Variants in PHACTR2 observed in about 807,000 individuals in gnomAD.
The protein encoded by PHACTR2 is chromosome 6 open reading frame 56.
In PHACTR2, 30 loss-of-function variants were observed where a neutral mutation model predicts 76.0. The observed-to-expected ratio is 0.39, with a 90% CI of 0.30 to 0.54. The LOEUF (loss-of-function observed/expected upper bound fraction) is 0.54, where lower values mean the gene tolerates loss of function less well. PHACTR2 is among the 20% of genes least tolerant of loss of function. The pLI is 0.61. For synonymous variants in PHACTR2, 292 were observed against 292.5 expected (o/e 1.00, Z 0.02); for missense variants, 696 against 781.1 (o/e 0.89, Z 1.30).
chr6:143,694,312 G>A (rs1200939668), intron 1 of PHACTR2, among the ~76,000 whole-genome samples: 1 of 152,116 alleles, frequency 6.6e-6, no homozygotes, highest in Non-Finnish European at 1.5e-5. Flanking sequence ...GTGACATTAT[G>A]TTTCTGCCAT....
In PHACTR2 at chr6:143,557,385, T is replaced by A. The variant is rs1321075859; in HGVS notation, c.217+20178T>A. 1 of 152,200 alleles carries A rather than the reference T, an allele frequency of 6.6e-6. No homozygotes were observed. The highest frequency in any genetic ancestry group is 2.4e-5 in the African/African-American group (1 of 41,430). 9.4% of individuals were successfully genotyped at this position (152,200 alleles called of 1,614,324 possible). A position where few individuals can be genotyped will look rare whatever the true frequency, so the allele number is the denominator to read the frequency against. ...TGCAGAGGCAGAATTTAAAGCCAAG[T>A]CTTCTGAGTCCAAGTTCAGGGCTGC... is the stretch of plus-strand genomic sequence containing the variant. On this transcript the variant is annotated intron_variant, in intron 1 of 11. Coordinates refer to the PHACTR2 transcript ENST00000367584. The surrounding 1 kb of genome is among the most constrained non-coding windows in gnomAD (Gnocchi z 5.5).
chr6:143,622,175 T>A (rs747881654), intron 1 of PHACTR2, among the ~76,000 whole-genome samples: 4 of 152,148 alleles, frequency 2.6e-5, no homozygotes, highest in Admixed American at 2.0e-4. Flanking sequence ...ACAGCTAGGT[T>A]ATATCTTTTA....
chr6:143,822,929 A>T lies in PHACTR2; in HGVS notation c.1923-745A>T, dbSNP rs773404381. Among the ~76,000 whole-genome samples the T allele has an allele frequency of 6.6e-6, 1 of 152,248 alleles. No individual in the cohort carries two copies. Among genetic ancestry groups the T allele is most frequent in the Non-Finnish European group, 1.5e-5 (1 of 68,042 alleles). Reference sequence around the variant, plus strand: ...GAAGCCAGCTGGCTGGCTAACAAGCATACCGTAAAAGTAGTGCCAGCAAAA... The same window carrying T: ...GAAGCCAGCTGGCTGGCTAACAAGCTTACCGTAAAAGTAGTGCCAGCAAAA... On this transcript the variant is annotated intron_variant, in intron 12 of 12. Transcript: ENST00000440869. This position sits in a 1 kb window ranked among gnomAD's most constrained non-coding sequence, Gnocchi z 5.5.
chr6:143,690,119 T>C (rs1381268845), intron 1 of PHACTR2, among the ~76,000 whole-genome samples: 2 of 152,260 alleles, frequency 1.3e-5, no homozygotes, highest in African/African-American at 4.8e-5. Context: ...CCTTTTGTTT[T>C]TCCTACTGGT....
At position 143,585,137 on chromosome 6, in the gene PHACTR2, G is replaced by A. The variant is rs1044196142; in HGVS notation, c.217+47930G>A. Among the ~76,000 whole-genome samples the A allele has an allele frequency of 6.6e-6, 1 of 152,160 alleles. No individual in the cohort carries two copies. Among genetic ancestry groups the A allele is most frequent in the South Asian group, 2.1e-4 (1 of 4,824 alleles). On this transcript the variant is annotated intron_variant, in intron 1 of 11. Transcript: ENST00000367584. The surrounding 1 kb of genome is among the most constrained non-coding windows in gnomAD (Gnocchi z 5.2). ...GCCTGGCAGTAGACCCGTACACCAA[G>A]GGGGACCAGTGGAAGAGTCTAGCAG...
At position 143,819,068 on chromosome 6, in the gene PHACTR2, T is replaced by C. The variant is rs1776360700; in HGVS notation, c.1923-4606T>C. 6.6e-6 allele frequency among the ~76,000 whole-genome samples: 1 copy of C among 152,194 alleles called. No individual in the cohort carries two copies. The highest frequency in any genetic ancestry group is 2.1e-4 in the South Asian group (1 of 4,824). On this transcript the variant is annotated intron_variant, in intron 12 of 12. Coordinates refer to ENST00000440869, the MANE Select transcript of PHACTR2 (RefSeq NM_001100164.2). This position sits in a 1 kb window ranked among gnomAD's most constrained non-coding sequence, Gnocchi z 5.0. ...GTAATTAAGTTTAGGGGCTTCTGAT[T>C]GGACTCCTCAGTCATATAGAATTAT...
At position 143,727,860 on chromosome 6, in the gene PHACTR2, A is replaced by G. The variant is rs1015397816; in HGVS notation, c.214+15677A>G. Among the ~76,000 whole-genome samples the G allele has an allele frequency of 2.0e-5, 3 of 152,248 alleles. No individual in the cohort carries two copies. The East Asian group carries it at 5.8e-4, about 29-fold the overall frequency. The stretch of plus-strand genomic sequence containing the variant: ...CATACCTCAACATATTAAAGCCCTT[A>G]TATGACAAACCAACAGCTAACATAA... On this transcript the variant is annotated intron_variant, in intron 2 of 12. Transcript: ENST00000440869.
At chr6:143,718,806 T>C (rs1309427756) in intron 2 of PHACTR2, among the ~76,000 whole-genome samples, 1 of 152,158 alleles carries the variant, frequency 6.6e-6, no homozygotes, top group African/African-American at 2.4e-5. Flanking sequence ...TTGCTCTGGT[T>C]GCATTAATAA....
At position 143,558,750 on chromosome 6, in the gene PHACTR2, G is replaced by T. The variant is rs1775218965; in HGVS notation, c.217+21543G>T. ...TTACAAAGTCGAGCTCATGCTCTTTGTTTCCCAACTGGCCTTTGAGTACAG... is the reference window on the plus strand; with the variant it reads ...TTACAAAGTCGAGCTCATGCTCTTTTTTTCCCAACTGGCCTTTGAGTACAG... On this transcript the variant is annotated intron_variant, in intron 1 of 11. Coordinates refer to the PHACTR2 transcript ENST00000367584. This position sits in a 1 kb window ranked among gnomAD's most constrained non-coding sequence, Gnocchi z 4.7. Among the ~76,000 whole-genome samples the T allele has an allele frequency of 1.3e-5, 2 of 152,184 alleles. No individual in the cohort carries two copies. The highest frequency in any genetic ancestry group is 4.8e-5 in the African/African-American group (2 of 41,452).
At position 143,772,488 on chromosome 6, in the gene PHACTR2, C is replaced by T. The variant is rs772014261; in HGVS notation, c.1432+31C>T. On this transcript the variant is annotated intron_variant, in intron 7 of 12. Transcript: ENST00000440869. This position sits in a 1 kb window ranked among gnomAD's most constrained non-coding sequence, Gnocchi z 5.4. The stretch of plus-strand genomic sequence containing the variant: ...ACTGTTTTCAAGAGGCAGGGAGGAG[C>T]GTGGGTGATAAGCAGAAGCAGCTGC... 1.4e-5 allele frequency: 21 copies of T among 1,526,524 alleles called. No homozygotes were observed. Among genetic ancestry groups the T allele is most frequent in the East Asian group, 4.6e-5 (2 of 43,892 alleles). The allele number at this position is 1,526,524 out of a possible 1,614,324, so 94.6% of individuals were successfully genotyped here.
rs573484667 is a variant in PHACTR2 at position 143,823,238 on chromosome 6, A to C, written c.1923-436A>C. On this transcript the variant is annotated intron_variant, in intron 12 of 12. Transcript: ENST00000440869. This position sits in a 1 kb window ranked among gnomAD's most constrained non-coding sequence, Gnocchi z 5.7. Reference sequence around the variant, plus strand: ...AGAAAGTAGATTTGGAGTCGTCAGCAGGAGATGATGAGAGGCTGAAGCTAA... The same window carrying C: ...AGAAAGTAGATTTGGAGTCGTCAGCCGGAGATGATGAGAGGCTGAAGCTAA... Among the ~76,000 whole-genome samples, 1 of 152,342 alleles carries C rather than the reference A, an allele frequency of 6.6e-6. No homozygotes were observed. Among genetic ancestry groups the C allele is most frequent in the Non-Finnish European group, 1.5e-5 (1 of 68,032 alleles).
chr6:143,707,473 T>G (rs1778080401), intron 1 of PHACTR2, among the ~76,000 whole-genome samples: 1 of 152,238 alleles, frequency 6.6e-6, no homozygotes, highest in African/African-American at 2.4e-5. Context: ...TTATGGAGAT[T>G]CTTTTCTAAA....
chr6:143,624,580 T>C lies in PHACTR2; in HGVS notation c.13+16258T>C, dbSNP rs1049198456. ...ATTATATCACCACTCTTTTTTAATG[T>C]TGTGGGAAGCAGTTTATTTTCATGG... On this transcript the variant is annotated intron_variant, in intron 1 of 11. Coordinates refer to the PHACTR2 transcript ENST00000305766. The surrounding 1 kb of genome is among the most constrained non-coding windows in gnomAD (Gnocchi z 4.6). Among the ~76,000 whole-genome samples, 1 of 152,140 alleles carries C rather than the reference T, an allele frequency of 6.6e-6. No individual in the cohort carries two copies. The highest frequency in any genetic ancestry group is 1.5e-5 in the Non-Finnish European group (1 of 68,030).
In PHACTR2 at chr6:143,825,726, T is replaced by G. The variant is rs1181000341; in HGVS notation, c.*2037T>G. 1.3e-5 allele frequency: 2 copies of G among 152,184 alleles called. No individual in the cohort carries two copies. 9.4% of individuals were successfully genotyped at this position (152,184 alleles called of 1,614,324 possible). A position where few individuals can be genotyped will look rare whatever the true frequency, so the allele number is the denominator to read the frequency against. On this transcript the variant is annotated 3_prime_UTR_variant, in exon 13 of 13. Coordinates refer to ENST00000440869, the MANE Select transcript of PHACTR2 (RefSeq NM_001100164.2). This position sits in a 1 kb window ranked among gnomAD's most constrained non-coding sequence, Gnocchi z 4.1. The stretch of plus-strand genomic sequence containing the variant: ...TAATGTTTCTTTTAATTGTCTATGC[T>G]TAATCATCTTTAAACACTTTTTAAA...
At chr6:143,560,556 A>ATTAG (rs1449187796) in intron 1 of PHACTR2, among the ~76,000 whole-genome samples, 2 of 152,226 alleles carry the variant, frequency 1.3e-5, no homozygotes, top group Non-Finnish European at 2.9e-5. Flanking sequence ...GTAAGATACC[A>ATTAG]TTAGTTGCTG....
At chr6:143,645,018 T>C (rs1776634497) in intron 1 of PHACTR2, among the ~76,000 whole-genome samples, 1 of 150,182 alleles carries the variant, frequency 6.7e-6, no homozygotes, top group Non-Finnish European at 1.5e-5. Flanking sequence ...GTGTCATTCT[T>C]ATGCCTTTGC....
chr6:143,544,372 T>C (rs1386612685), intron 1 of PHACTR2, among the ~76,000 whole-genome samples: 1 of 151,976 alleles, frequency 6.6e-6, no homozygotes, highest in Non-Finnish European at 1.5e-5. Context: ...ACCCTTACGA[T>C]AGGTGAGAAA....
chr6:143,748,872 G>T lies in PHACTR2; in HGVS notation c.215-113G>T. On this transcript the variant is annotated intron_variant, in intron 2 of 12. Transcript: ENST00000440869. ...GTTTTTTTTAAGCAACTAAGAAAAC[G>T]AGTTTGAGCCCTCATGTGAGGAGAA... The T allele has an allele frequency of 5.2e-6, 3 of 573,434 alleles. No homozygotes were observed. In the South Asian group the frequency reaches 7.1e-5, roughly 14 times the overall value. The allele number at this position is 573,434 out of a possible 1,614,324, so 35.5% of individuals were successfully genotyped here. A position where few individuals can be genotyped will look rare whatever the true frequency, so the allele number is the denominator to read the frequency against.
intron 2 of PHACTR2, among the ~76,000 whole-genome samples, chr6:143,741,935 C>G (rs1778953822): frequency 1.3e-5 from 2 of 151,998 alleles, no homozygotes; most frequent in Admixed American, 1.3e-4. Flanking sequence ...AACCCCATCT[C>G]TACCAAAAAT....
Sources: allele counts gnomAD v4.1 joint callset (sites outside exome capture counted in the v4.1 genomes callset), GRCh38; gene constraint gnomAD v4.1.1; non-coding constraint Gnocchi (gnomAD v3.1); transcripts MANE v1.5; gene names NCBI Gene and HGNC (gene_info 2026-07-23, HGNC 2026-07-21).